The following GNG12 variants were observed in gnomAD, a reference collection of about 807,000 sequenced individuals.
GNG12 encodes G protein subunit gamma 12.
For synonymous variants in GNG12, 28 were observed against 29.7 expected, an observed-to-expected ratio of 0.94 and a Z score of 0.19; for missense variants, 69 against 83.8, an observed-to-expected ratio of 0.82 and a Z score of 0.69.
At chr1:67,722,398 G>T (rs1646361201) in intron 2 of GNG12, among the ~76,000 whole-genome samples, 7 of 152,152 alleles carry the variant, frequency 4.6e-5, no homozygotes, top group Admixed American at 3.9e-4. Context: ...GAATGTGGGC[G>T]ACTGGGCTGG....
chr1:67,796,558 A>G (rs564869190), intron 1 of GNG12, among the ~76,000 whole-genome samples: 3 of 152,298 alleles, frequency 2.0e-5, no homozygotes, highest in African/African-American at 7.2e-5. Context: ...TACAGAGTGT[A>G]TGACAGATAG....
chr1:67,709,158 T>A (rs1286782077), intron 2 of GNG12, among the ~76,000 whole-genome samples: 2 of 152,238 alleles, frequency 1.3e-5, no homozygotes, highest in African/African-American at 4.8e-5. Context: ...ATAAGCAACC[T>A]TCACATTCCA....
intron 2 of GNG12, among the ~76,000 whole-genome samples, chr1:67,709,826 A>AT (rs1646271025): frequency 7.7e-6 from 1 of 130,244 alleles, no homozygotes; most frequent in Non-Finnish European, 1.6e-5. Flanking sequence ...ATATATATAT[A>AT]AATATATATA....
rs543597075 is a variant in GNG12, at chr1:67,766,410, T to C, written c.-27+11048A>G. On this transcript the variant is annotated intron_variant, in intron 2 of 3. Transcript: ENST00000370982. Reference sequence around the variant, plus strand: ...TTTCCGCGCTCCTGCTTCTTCTCAATACATTTCACTTCGGCTGATGAGCAA... The same window carrying C: ...TTTCCGCGCTCCTGCTTCTTCTCAACACATTTCACTTCGGCTGATGAGCAA... 5.3e-5 allele frequency among the ~76,000 whole-genome samples: 8 copies of C among 152,194 alleles called. No homozygotes were observed. In the South Asian group the frequency reaches 1.0e-3, roughly 20 times the overall value.
chr1:67,763,106 A>AGAGAGAGAGAGAGG (rs1553157327), intron 2 of GNG12, among the ~76,000 whole-genome samples: 3 of 151,062 alleles, frequency 2.0e-5, no homozygotes, highest in African/African-American at 7.3e-5. Context: ...AGAGAGAGAG[A>AGAGAGAGAGAGAGG]GAGAGAGAGA....
At chr1:67,784,238 T>C (rs1189945989) in intron 1 of GNG12, among the ~76,000 whole-genome samples, 1 of 146,754 alleles carries the variant, frequency 6.8e-6, no homozygotes, top group Non-Finnish European at 1.5e-5. Context: ...ACACCACATA[T>C]TCTCACTCAT....
rs376988148 is a variant in GNG12, at chr1:67,701,852, C to T, written c.*3599G>A. On this transcript the variant is annotated 3_prime_UTR_variant, in exon 4 of 4. Transcript: ENST00000370982. ...AAAAAAGCACTGTATAACAAAAAGG[C>T]CTTTTAGAAGCTATTAAATGAACAA... is the stretch of plus-strand genomic sequence containing the variant. 6.6e-6 allele frequency: 1 copy of T among 152,538 alleles called. No homozygotes were observed. Among genetic ancestry groups the T allele is most frequent in the Non-Finnish European group, 1.5e-5 (1 of 68,012 alleles). 9.4% of individuals were successfully genotyped at this position (152,538 alleles called of 1,614,324 possible).
At chr1:67,757,731 A>C (rs914642212) in intron 2 of GNG12, among the ~76,000 whole-genome samples, 1 of 152,168 alleles carries the variant, frequency 6.6e-6, no homozygotes, top group Non-Finnish European at 1.5e-5. Context: ...TTTTGGTCAC[A>C]GTGGAAAAAA....
At chr1:67,791,848 C>G (rs1052754433) in intron 1 of GNG12, among the ~76,000 whole-genome samples, 21 of 152,164 alleles carry the variant, frequency 1.4e-4, no homozygotes, top group Admixed American at 1.3e-4. Context: ...TCTCAGCATA[C>G]TTAACACACT....
chr1:67,759,404 T>C (rs996150642), intron 2 of GNG12, among the ~76,000 whole-genome samples: 2 of 152,142 alleles, frequency 1.3e-5, no homozygotes, highest in Non-Finnish European at 2.9e-5. Flanking sequence ...TGGGAGACAA[T>C]ACAGTGTAGC....
At chr1:67,781,813 T>C (rs1282899103) in intron 1 of GNG12, among the ~76,000 whole-genome samples, 2 of 152,084 alleles carry the variant, frequency 1.3e-5, no homozygotes, top group Non-Finnish European at 2.9e-5. Context: ...ATGGTTTCAT[T>C]TACTCAGGGA....
At chr1:67,816,794 A>C (rs1018787855) in intron 1 of GNG12, among the ~76,000 whole-genome samples, 1 of 152,148 alleles carries the variant, frequency 6.6e-6, no homozygotes. Context: ...CACTAGATTT[A>C]ATGAGGCAGC....
At chr1:67,756,018 G>A (rs1167848337) in intron 2 of GNG12, among the ~76,000 whole-genome samples, 1 of 152,148 alleles carries the variant, frequency 6.6e-6, no homozygotes, top group Non-Finnish European at 1.5e-5. Flanking sequence ...GATGTGTGCT[G>A]AATGCCCATC....
intron 2 of GNG12, among the ~76,000 whole-genome samples, chr1:67,758,898 G>A (rs1469919157): frequency 1.3e-5 from 2 of 152,098 alleles, no homozygotes; most frequent in African/African-American, 2.4e-5. Context: ...AGGGAAGGGG[G>A]GGATGAAAAG....
At chr1:67,728,176 T>A (rs912987903) in intron 2 of GNG12, among the ~76,000 whole-genome samples, 1 of 152,204 alleles carries the variant, frequency 6.6e-6, no homozygotes, top group Non-Finnish European at 1.5e-5. Flanking sequence ...CCTGGGCAGC[T>A]CTTTTCATGC....
At chr1:67,832,051 A>C (rs903479297) in intron 1 of GNG12, among the ~76,000 whole-genome samples, 1 of 152,214 alleles carries the variant, frequency 6.6e-6, no homozygotes, top group Non-Finnish European at 1.5e-5. Flanking sequence ...CATCCAAAAG[A>C]TTCATTATAC....
At chr1:67,753,585 C>T (rs957731876) in intron 2 of GNG12, among the ~76,000 whole-genome samples, 26 of 152,216 alleles carry the variant, frequency 1.7e-4, no homozygotes, top group African/African-American at 6.3e-4. Flanking sequence ...CAGCTGTTCG[C>T]ATGCACCTCC....
chr1:67,808,366 G>A (rs1646904997), intron 1 of GNG12, among the ~76,000 whole-genome samples: 1 of 152,038 alleles, frequency 6.6e-6, no homozygotes, highest in Non-Finnish European at 1.5e-5. Context: ...TGAGTAACTT[G>A]GAGCTTTCCT....
intron 2 of GNG12, among the ~76,000 whole-genome samples, chr1:67,716,820 G>A (rs569685092): frequency 3.6e-4 from 55 of 152,300 alleles, no homozygotes; most frequent in Non-Finnish European, 6.6e-4. Flanking sequence ...GAAGACCCAA[G>A]CGAAGGAGAA....
Sources: gnomAD v4.1 joint callset for allele counts (sites outside exome capture counted in the v4.1 genomes callset) on GRCh38, gnomAD v4.1.1 for gene constraint, MANE v1.5 for transcripts, NCBI Gene and HGNC (gene_info 2026-07-23, HGNC 2026-07-21) for gene names.